Variants in TEX11 observed in about 807,000 individuals in gnomAD.
TEX11 encodes testis expressed 11.
TEX11 carries 7 observed loss-of-function variants against 84.4 expected under a neutral mutation model. The ratio of observed to expected loss-of-function variants is 0.08; its 90% CI spans 0.05 to 0.16. The LOEUF is 0.16. TEX11 is among the 10% of genes least tolerant of loss of function. The pLI, the probability that TEX11 is intolerant of heterozygous loss-of-function variation, is 1.00. For synonymous variants in TEX11, 264 were observed against 222.8 expected, an observed-to-expected ratio of 1.18 and a Z score of -1.64; for missense variants, 551 against 660.5, an observed-to-expected ratio of 0.83 and a Z score of 1.82.
chrX:70,760,383 C>A (rs149145075), intron 9 of TEX11, among the ~76,000 whole-genome samples: 3 of 111,672 alleles, frequency 2.7e-5, no homozygotes, highest in African/African-American at 9.8e-5. Context: ...GCCACAATAA[C>A]CAAAACAGCA....
At chrX:70,755,956 T>C (rs2090864424) in intron 9 of TEX11, among the ~76,000 whole-genome samples, 1 of 112,433 alleles carries the variant, frequency 8.9e-6, no homozygotes, top group Non-Finnish European at 1.9e-5. Context: ...CGTGCTTGGC[T>C]CGGCGGGTCC....
chrX:70,833,271 GA>G (rs1192379332), intron 8 of TEX11, among the ~76,000 whole-genome samples: 22 of 47,491 alleles, frequency 4.6e-4, no homozygotes, highest in South Asian at 8.7e-4. Context: ...CTCCATCTCA[GA>G]AAAAAAAAAA....
Position 70,866,909 on chromosome X carries a change from C to T in TEX11, c.245-5973G>A, listed in dbSNP as rs1010737491. Among the ~76,000 whole-genome samples, 6 of 111,958 alleles carry T rather than the reference C, an allele frequency of 5.4e-5. No individual in the cohort carries two copies. In the Admixed American group the frequency reaches 5.7e-4, roughly 11 times the overall value. On this transcript the variant is annotated intron_variant, in intron 4 of 29. Coordinates refer to ENST00000374333, the MANE Select transcript of TEX11 (RefSeq NM_031276.3). ...GAGCTATTTATGACAAACCCATAGC[C>T]AATATCATACTGAATGGGCAAAAGC...
chrX:70,908,025 C>T (rs751081064), intron 1 of TEX11, among the ~76,000 whole-genome samples: 8 of 111,222 alleles, frequency 7.2e-5, no homozygotes, highest in Non-Finnish European at 1.1e-4. Context: ...TGCCTGGCAA[C>T]GGGGGAAATG....
At chrX:70,864,845 C>T (rs1293309008) in intron 4 of TEX11, among the ~76,000 whole-genome samples, 3 of 110,132 alleles carry the variant, frequency 2.7e-5, no homozygotes, top group Non-Finnish European at 5.7e-5. Context: ...CAAGCAAATG[C>T]TGTTGGATTT....
rs2087866422 is a variant in TEX11 at position 70,530,092 on chromosome X, AAAC to A, written c.2521-96_2521-94del. 3.9e-5 allele frequency: 31 copies of A among 786,672 alleles called. 1 individual carries two copies. In the South Asian group the frequency reaches 7.0e-4, roughly 18 times the overall value. 64.8% of individuals were successfully genotyped at this position (786,672 alleles called of 1,213,427 possible). A position where few individuals can be genotyped will look rare whatever the true frequency, so the allele number is the denominator to read the frequency against. On this transcript the variant is annotated intron_variant, in intron 28 of 29. Coordinates refer to ENST00000374333, the MANE Select transcript of TEX11 (RefSeq NM_031276.3). ...ATGCTATGTCCCTTTATTACTAAAC[AAAC>A]AATAGGAGCTCTGCTGATGTTTAGG...
chrX:70,905,278 T>C (rs1336808897), intron 2 of TEX11, among the ~76,000 whole-genome samples: 1 of 110,868 alleles, frequency 9.0e-6, no homozygotes, highest in Non-Finnish European at 1.9e-5. Flanking sequence ...TGAGCCGAGA[T>C]CGTGCCACTA....
At chrX:70,774,433 C>A (rs749622697) in intron 9 of TEX11, among the ~76,000 whole-genome samples, 4 of 110,780 alleles carry the variant, frequency 3.6e-5, no homozygotes, top group Admixed American at 9.7e-5. Context: ...AAGAGGAAGT[C>A]CTTGCTGATG....
intron 9 of TEX11, among the ~76,000 whole-genome samples, chrX:70,749,141 C>T (rs1274860610): frequency 9.3e-6 from 1 of 107,270 alleles, no homozygotes; most frequent in Non-Finnish European, 1.9e-5. Context: ...CTTCACATCC[C>T]TTGTAAGTTG....
intron 9 of TEX11, among the ~76,000 whole-genome samples, chrX:70,798,984 C>T (rs1056316014): frequency 9.0e-5 from 10 of 111,086 alleles, no homozygotes; most frequent in African/African-American, 2.9e-4. Flanking sequence ...CAAAAATAGA[C>T]AAATGGAATT....
chrX:70,620,677 T>C (rs1156742760), intron 20 of TEX11, among the ~76,000 whole-genome samples: 2 of 112,395 alleles, frequency 1.8e-5, no homozygotes, highest in African/African-American at 6.5e-5. Flanking sequence ...TTATTCACAA[T>C]TGCCAAAACT....
chrX:70,718,548 A>G (rs1358007587), intron 13 of TEX11, among the ~76,000 whole-genome samples: 1 of 112,430 alleles, frequency 8.9e-6, no homozygotes. Flanking sequence ...CATATTCACC[A>G]AAAAGGTCAG....
chrX:70,792,737 C>T (rs1471303208), intron 9 of TEX11, among the ~76,000 whole-genome samples: 1 of 109,944 alleles, frequency 9.1e-6, no homozygotes, highest in Non-Finnish European at 1.9e-5. Flanking sequence ...AATTTACATC[C>T]AAATTCTACC....
intron 9 of TEX11, among the ~76,000 whole-genome samples, chrX:70,804,486 T>A (rs2091206851): frequency 8.9e-6 from 1 of 111,881 alleles, no homozygotes; most frequent in African/African-American, 3.2e-5. Flanking sequence ...ATTTTTATAT[T>A]CCCAAAAGAT....
chrX:70,790,405 G>A (rs1000481325), intron 9 of TEX11, among the ~76,000 whole-genome samples: 2 of 111,230 alleles, frequency 1.8e-5, no homozygotes, highest in African/African-American at 6.5e-5. Flanking sequence ...CTAAGGAAGG[G>A]GTAAATGAAG....
In TEX11 at chrX:70,818,480, G is replaced by C. The variant is rs184661647; in HGVS notation, c.607-11690C>G. ...TATTCCTTCAGCTATGAGTTCCAAA[G>C]TGAAGGAAAAGGAGAACAGGAAAAT... On this transcript the variant is annotated intron_variant, in intron 8 of 29. Coordinates refer to ENST00000374333, the MANE Select transcript of TEX11 (RefSeq NM_031276.3). Among the ~76,000 whole-genome samples the C allele has an allele frequency of 4.3e-3, 480 of 110,890 alleles. 3 individuals carry two copies. The highest frequency in any genetic ancestry group is 0.015 in the African/African-American group (451 of 30,480).
intron 8 of TEX11, among the ~76,000 whole-genome samples, chrX:70,814,605 T>C (rs2091276700): frequency 8.9e-6 from 1 of 112,807 alleles, no homozygotes; most frequent in African/African-American, 3.2e-5. Context: ...GGCTACAAAA[T>C]GGTAAATTTA....
intron 24 of TEX11, among the ~76,000 whole-genome samples, chrX:70,594,387 T>C (rs2088976494): frequency 9.0e-6 from 1 of 110,918 alleles, no homozygotes; most frequent in Admixed American, 9.7e-5. Flanking sequence ...GTAATTTGAA[T>C]CCAGATGAAA....
chrX:70,519,089 A>T, the TEX11 span, among the ~76,000 whole-genome samples: 3 of 111,881 alleles, frequency 2.7e-5, no homozygotes, highest in Non-Finnish European at 5.6e-5. Flanking sequence ...GTGTCTTTTA[A>T]TTGGGGCATT....
Sources: allele counts gnomAD v4.1 joint callset (sites outside exome capture counted in the v4.1 genomes callset), GRCh38; gene constraint gnomAD v4.1.1; transcripts MANE v1.5; gene names NCBI Gene and HGNC (gene_info 2026-07-23, HGNC 2026-07-21).